RBMS3: variants seen among roughly 807,000 people sequenced by gnomAD.
RBMS3 encodes the protein RNA-binding motif, single-stranded-interacting protein 3.
A neutral mutation model predicts 66.8 loss-of-function variants in RBMS3; 27 were observed. The observed-to-expected ratio is 0.40, with a 90% CI of 0.30 to 0.56. The LOEUF is 0.56. RBMS3 is among the 20% of genes least tolerant of loss of function. The pLI is 0.40. For synonymous variants in RBMS3, 188 were observed against 183.0 expected (o/e 1.03, Z -0.22); for missense variants, 513 against 549.5 (o/e 0.93, Z 0.66).
At chr3:29,580,154 C>A (rs1177763010) in intron 3 of RBMS3, among the ~76,000 whole-genome samples, 1 of 152,140 alleles carries the variant, frequency 6.6e-6, no homozygotes, top group East Asian at 1.9e-4. Context: ...CTAGGAAATA[C>A]CATTGGGGAC....
At chr3:29,430,320 T>G (rs761769449) in intron 1 of RBMS3, among the ~76,000 whole-genome samples, 31 of 152,100 alleles carry the variant, frequency 2.0e-4, no homozygotes, top group Non-Finnish European at 4.1e-4. Context: ...TTCAGCAGAA[T>G]TTCTAGAATT....
chr3:29,981,719 A>G (rs1698009894), intron 12 of RBMS3, among the ~76,000 whole-genome samples: 1 of 151,914 alleles, frequency 6.6e-6, no homozygotes, highest in African/African-American at 2.4e-5. Flanking sequence ...TGTTTATGTG[A>G]TGGACTACAT....
chr3:29,647,548 G>A (rs981214641), intron 4 of RBMS3, among the ~76,000 whole-genome samples: 3 of 152,188 alleles, frequency 2.0e-5, no homozygotes, highest in Non-Finnish European at 4.4e-5. Context: ...ATAATTCAGT[G>A]TGGAAACAAA....
At chr3:29,816,819 T>G (rs1193689195) in intron 6 of RBMS3, among the ~76,000 whole-genome samples, 1 of 152,046 alleles carries the variant, frequency 6.6e-6, no homozygotes, top group Non-Finnish European at 1.5e-5. Flanking sequence ...AGGTTGGGTG[T>G]GGTGGCTCAC....
At chr3:29,900,936 T>A (rs1249600608) in intron 10 of RBMS3, among the ~76,000 whole-genome samples, 3 of 151,798 alleles carry the variant, frequency 2.0e-5, no homozygotes, top group Non-Finnish European at 1.5e-5. Context: ...AATTAGAGAA[T>A]CTGGCTTTCA....
At chr3:29,818,533 G>T (rs2057983187) in intron 6 of RBMS3, among the ~76,000 whole-genome samples, 1 of 151,588 alleles carries the variant, frequency 6.6e-6, no homozygotes, top group Non-Finnish European at 1.5e-5. Flanking sequence ...TTTTATTGTT[G>T]ATTATGATAA....
At position 30,004,783 on chromosome 3, in the gene RBMS3, G is replaced by A. The variant is rs958872177; in HGVS notation, c.*921G>A. 1.3e-5 allele frequency: 2 copies of A among 151,864 alleles called. No individual in the cohort carries two copies. The highest frequency in any genetic ancestry group is 6.6e-5 in the Admixed American group (1 of 15,176). 9.4% of individuals were successfully genotyped at this position (151,864 alleles called of 1,614,324 possible). ...TTTTTTTAATTTACAAAGCGTGATC[G>A]CTAGCAAAAGCATTAGTGCTTTTTA... On this transcript the variant is annotated 3_prime_UTR_variant, in exon 15 of 15. Coordinates refer to ENST00000383767, the MANE Select transcript of RBMS3 (RefSeq NM_001003793.3).
chr3:29,608,383 G>C (rs376596798), intron 4 of RBMS3, among the ~76,000 whole-genome samples: 10 of 152,052 alleles, frequency 6.6e-5, no homozygotes, highest in African/African-American at 2.4e-4. Context: ...AATAAAGCTA[G>C]TAGAATATTA....
intron 3 of RBMS3, among the ~76,000 whole-genome samples, chr3:29,497,332 T>C (rs2043792697): frequency 6.6e-6 from 1 of 152,140 alleles, no homozygotes; most frequent in Non-Finnish European, 1.5e-5. Flanking sequence ...TTAAAATAAT[T>C]GTTGAGGAAT....
chr3:29,779,705 A>AT (rs1407056307), intron 6 of RBMS3, among the ~76,000 whole-genome samples: 8 of 136,398 alleles, frequency 5.9e-5, no homozygotes, highest in Non-Finnish European at 1.1e-4. Context: ...GATTAAGATG[A>AT]AATATATATA....
At position 29,419,020 on chromosome 3, in the gene RBMS3, T is replaced by C. The variant is rs566721902; in HGVS notation, c.76-15723T>C. Among the ~76,000 whole-genome samples the C allele has an allele frequency of 2.6e-5, 4 of 152,298 alleles. No homozygotes were observed. In the South Asian group the frequency reaches 8.3e-4, roughly 32 times the overall value. ...TGTCACTCTGGGTAGTAAAATGTGT[T>C]TTCCTTTATTATAAAGAATACAGTT... On this transcript the variant is annotated intron_variant, in intron 1 of 14. Coordinates refer to ENST00000383767, the MANE Select transcript of RBMS3 (RefSeq NM_001003793.3).
intron 4 of RBMS3, among the ~76,000 whole-genome samples, chr3:29,684,008 C>T (rs1044182274): frequency 6.6e-6 from 1 of 152,072 alleles, no homozygotes; most frequent in African/African-American, 2.4e-5. Context: ...AAAGGTGTGA[C>T]TAGTATAATA....
At chr3:29,815,491 C>T (rs1178861702) in intron 6 of RBMS3, among the ~76,000 whole-genome samples, 2 of 151,978 alleles carry the variant, frequency 1.3e-5, no homozygotes, top group Non-Finnish European at 2.9e-5. Context: ...TCCCTCTATA[C>T]CTCAGTTTGT....
At chr3:29,569,283 A>G (rs981471538) in intron 3 of RBMS3, among the ~76,000 whole-genome samples, 9 of 152,108 alleles carry the variant, frequency 5.9e-5, no homozygotes, top group Non-Finnish European at 1.2e-4. Context: ...TCCTTATACA[A>G]TTAGGATACT....
chr3:29,622,425 A>T (rs891402179), intron 4 of RBMS3, among the ~76,000 whole-genome samples: 2 of 152,212 alleles, frequency 1.3e-5, no homozygotes, highest in Non-Finnish European at 2.9e-5. Flanking sequence ...GTGCATGGGC[A>T]ATTAGTTTTT....
At chr3:29,623,370 T>A (rs1207006891) in intron 4 of RBMS3, among the ~76,000 whole-genome samples, 1 of 151,404 alleles carries the variant, frequency 6.6e-6, no homozygotes, top group Non-Finnish European at 1.5e-5. Flanking sequence ...AGGCAGGCGG[T>A]TCACAAGGTC....
intron 3 of RBMS3, among the ~76,000 whole-genome samples, chr3:29,567,990 T>G (rs1419897332): frequency 1.3e-5 from 2 of 152,204 alleles, no homozygotes; most frequent in Non-Finnish European, 2.9e-5. Context: ...GCAGTTTTTG[T>G]GTTCAAGGGC....
chr3:29,977,028 C>G (rs1406028346), intron 12 of RBMS3, among the ~76,000 whole-genome samples: 1 of 152,090 alleles, frequency 6.6e-6, no homozygotes, highest in African/African-American at 2.4e-5. Context: ...CTAGCACAAG[C>G]TTTGTTTTCT....
chr3:29,731,155 G>A, intron 4 of RBMS3: 1 of 457,662 alleles, frequency 2.2e-6, no homozygotes, highest in Non-Finnish European at 2.9e-6. Flanking sequence ...TTCAACACTG[G>A]GCATTGTTTC....
Sources: allele counts gnomAD v4.1 joint callset (sites outside exome capture counted in the v4.1 genomes callset), GRCh38; gene constraint gnomAD v4.1.1; transcripts MANE v1.5; gene names NCBI Gene and HGNC (gene_info 2026-07-23, HGNC 2026-07-21).